Variants in LMNA observed in about 807,000 individuals in gnomAD.
The protein encoded by LMNA is lamin.
Under a neutral mutation model 70.4 loss-of-function variants are expected in LMNA, and 20 were observed. The ratio of observed to expected loss-of-function variants is 0.28; its 90% CI spans 0.20 to 0.41. The LOEUF (loss-of-function observed/expected upper bound fraction) is 0.41, where lower values mean the gene tolerates loss of function less well. Among genes scored for constraint, LMNA ranks in the 10% least tolerant of loss-of-function variants. LMNA has a pLI of 1.00. For missense variants in LMNA, 652 were observed against 917.2 expected, an observed-to-expected ratio of 0.71 and a Z score of 3.73; for synonymous variants, 339 against 372.8, an observed-to-expected ratio of 0.91 and a Z score of 1.04.
At chr1:156,119,922 G>A (rs1043762718) in intron 1 of LMNA, among the ~76,000 whole-genome samples, 1 of 152,168 alleles carries the variant, frequency 6.6e-6, no homozygotes, top group Admixed American at 6.5e-5. Context: ...GCTCTCTCTG[G>A]ACAGGTAACA....
chr1:156,134,521 A>G lies in LMNA; in HGVS notation c.632A>G (p.Tyr211Cys), dbSNP rs987157491. The G allele has an allele frequency of 6.2e-7, 1 of 1,613,916 alleles. No homozygotes were observed. Among genetic ancestry groups the G allele is most frequent in the Non-Finnish European group, 8.5e-7 (1 of 1,180,058 alleles). Residue 211 changes from tyrosine to cysteine, a missense_variant, in exon 3 of 12, where the codon TAC becomes TGC. This residue lies in a region of LMNA where 254 missense variants were observed against 421.9 expected (regional missense o/e 0.60). Coordinates refer to ENST00000368300, the MANE Select transcript of LMNA (RefSeq NM_170707.4). This position sits in a 1 kb window ranked among gnomAD's most constrained non-coding sequence, Gnocchi z 5.3. ...KEELDFQKNI[Y>C]SEELRETKRR... ...GAACTGGACTTCCAGAAGAACATCT[A>G]CAGTGAGGTGGGGACTGTGCTTTGC... is the stretch of plus-strand genomic sequence containing the variant.
At position 156,138,835 on chromosome 1, in the gene LMNA, AG is replaced by A; in HGVS notation, c.1968+84del. ...GAGGGGTAGGACGAGGTGGCCTTGC[AG>A]GGGGGAGAGCCTGCCTTCTCTTCCG... On this transcript the variant is annotated intron_variant, in intron 11 of 11. Coordinates refer to ENST00000368300, the MANE Select transcript of LMNA (RefSeq NM_170707.4). The surrounding 1 kb of genome is among the most constrained non-coding windows in gnomAD (Gnocchi z 5.5). 6 of 1,580,886 alleles carry A rather than the reference AG, an allele frequency of 3.8e-6. No individual in the cohort carries two copies. The highest frequency in any genetic ancestry group is 5.2e-6 in the Non-Finnish European group (6 of 1,154,820).
intron 2 of LMNA, among the ~76,000 whole-genome samples, chr1:156,084,328 CG>C (rs60777722): frequency 0.44 from 40,462 of 91,264 alleles, 11,684 homozygotes; most frequent in East Asian, 0.83. Context: ...CTCAGAAGGT[CG>C]GGGGGTGGTG....
chr1:156,083,589 G>A (rs934842091), intron 2 of LMNA: 1 of 152,272 alleles, frequency 6.6e-6, no homozygotes, highest in African/African-American at 2.4e-5. Flanking sequence ...GATCACCTGA[G>A]GTCAGGAGTT....
intron 2 of LMNA, among the ~76,000 whole-genome samples, chr1:156,087,924 C>T (rs1292148795): frequency 6.7e-6 from 1 of 149,856 alleles, no homozygotes; most frequent in South Asian, 2.1e-4. Context: ...CAGGCTGGGG[C>T]GCAGTGGCAC....
chr1:156,094,367 C>T (rs972332282), intron 3 of LMNA, among the ~76,000 whole-genome samples: 22 of 152,184 alleles, frequency 1.4e-4, no homozygotes, highest in African/African-American at 5.3e-4. Context: ...TTGAGACAGT[C>T]TTGCTGTGTC....
chr1:156,086,936 C>T (rs968466271), intron 2 of LMNA, among the ~76,000 whole-genome samples: 23 of 152,138 alleles, frequency 1.5e-4, no homozygotes, highest in Admixed American at 1.2e-3. Context: ...CCACCGCGCC[C>T]GGCCAGGAAT....
Position 156,094,375 on chromosome 1 carries a change from G to A in LMNA, c.-207+3793G>A, listed in dbSNP as rs919116967. Among the ~76,000 whole-genome samples, 8 of 152,188 alleles carry A rather than the reference G, an allele frequency of 5.3e-5. 1 individual carries two copies. Among genetic ancestry groups the A allele is most frequent in the East Asian group, 1.9e-4 (1 of 5,202 alleles). ...TCTTTTTTTGAGACAGTCTTGCTGT[G>A]TCACCCAGGCTGGAGTGCAGTGGTG... On this transcript the variant is annotated intron_variant, in intron 3 of 12. Coordinates refer to the LMNA transcript ENST00000368301.
chr1:156,084,339 G>C lies in LMNA; in HGVS notation c.-319+1155G>C, dbSNP rs1389996057. 9.2e-5 allele frequency among the ~76,000 whole-genome samples: 9 copies of C among 98,098 alleles called. 1 individual carries two copies. The highest frequency in any genetic ancestry group is 1.7e-4 in the Non-Finnish European group (8 of 45,758). 64.4% of individuals were successfully genotyped at this position (98,098 alleles called of 152,430 possible). On this transcript the variant is annotated intron_variant, in intron 2 of 12. Transcript: ENST00000368301. The stretch of plus-strand genomic sequence containing the variant: ...GGATCTCAGAAGGTCGGGGGGTGGT[G>C]GGGGCAGTTGGCACACTGCAGGGAT...
chr1:156,128,589 C>G (rs1371847302), intron 1 of LMNA, among the ~76,000 whole-genome samples: 1 of 152,224 alleles, frequency 6.6e-6, no homozygotes, highest in Non-Finnish European at 1.5e-5. Flanking sequence ...CTTCTCCATT[C>G]TCTCTGGAAC....
Position 156,135,012 on chromosome 1 carries a change from C to A in LMNA, c.810+37C>A. ...CGATTGGTTCCCTCACTGCCTCTGC[C>A]CTTGGCAGCCCTACCCTTACCCACG... On this transcript the variant is annotated intron_variant, in intron 4 of 11. Coordinates refer to ENST00000368300, the MANE Select transcript of LMNA (RefSeq NM_170707.4). The surrounding 1 kb of genome is among the most constrained non-coding windows in gnomAD (Gnocchi z 4.8). 1 of 1,613,582 alleles carries A rather than the reference C, an allele frequency of 6.2e-7. No homozygotes were observed. The highest frequency in any genetic ancestry group is 1.7e-4 in the Middle Eastern group (1 of 5,962).
chr1:156,114,989 C>A lies in LMNA; in HGVS notation c.71C>A (p.Thr24Asn). 6.3e-7 allele frequency: 1 copy of A among 1,598,110 alleles called. No individual in the cohort carries two copies. Among genetic ancestry groups the A allele is most frequent in the Non-Finnish European group, 8.5e-7 (1 of 1,172,730 alleles). ...GCCAGCTCCACTCCGCTGTCGCCCA[C>A]CCGCATCACCCGGCTGCAGGAGAAG... ...AQASSTPLSPTRITRLQEKED... is the reference protein window; with the variant it reads ...AQASSTPLSPNRITRLQEKED... Residue 24 changes from threonine (T) to asparagine (N), a missense_variant, in exon 1 of 12, where the codon ACC becomes AAC. This residue lies in a region of LMNA where 254 missense variants were observed against 421.9 expected (regional missense o/e 0.60). Coordinates refer to ENST00000368300, the MANE Select transcript of LMNA (RefSeq NM_170707.4).
Position 156,138,452 on chromosome 1 carries a change from C to T in LMNA, c.1699-36C>T, listed in dbSNP as rs778467013. 1 of 1,602,978 alleles carries T rather than the reference C, an allele frequency of 6.2e-7. No individual in the cohort carries two copies. The highest frequency in any genetic ancestry group is 2.3e-5 in the East Asian group (1 of 44,432). ...TTGGGCCTGAGTGGTCAGTCCCAGA[C>T]TCGCCGTCCCGCCTGAGCCTTGTCT... On this transcript the variant is annotated intron_variant, in intron 10 of 11. Transcript: ENST00000368300. The surrounding 1 kb of genome is among the most constrained non-coding windows in gnomAD (Gnocchi z 5.5).
At chr1:156,132,652 G>A (rs1651170866) in intron 2 of LMNA, among the ~76,000 whole-genome samples, 1 of 151,866 alleles carries the variant, frequency 6.6e-6, no homozygotes, top group African/African-American at 2.4e-5. Context: ...GTATACCAGG[G>A]AAAGACCTGG....
Position 156,135,966 on chromosome 1 carries a change from C to A in LMNA, c.1002C>A (p.Ser334Arg). ...CACTGGCCCGTGAGCGGGACACCAG[C>A]CGGCGGCTGCTGGCGGAAAAGGAGC... is the stretch of plus-strand genomic sequence containing the variant. The part of the protein sequence containing the change: ...EDSLARERDT[S>R]RRLLAEKERE... The change falls in exon 6 of 12, where the codon AGC becomes AGA. Residue 334 changes from serine (S) to arginine (R), a missense_variant. This residue lies in a region of LMNA where 38 missense variants were observed against 32.5 expected (regional missense o/e 1.17). Transcript: ENST00000368300. The surrounding 1 kb of genome is among the most constrained non-coding windows in gnomAD (Gnocchi z 4.8). 1 of 1,614,044 alleles carries A rather than the reference C, an allele frequency of 6.2e-7. No homozygotes were observed. The highest frequency in any genetic ancestry group is 8.5e-7 in the Non-Finnish European group (1 of 1,180,024).
Position 156,136,544 on chromosome 1 carries a change from AC to A in LMNA, c.1380+110del. ...GAACATCCTTGCCCTCAGAGGGTGG[AC>A]CAGGGTGAGCCTGTATATCTCCTCC... On this transcript the variant is annotated intron_variant, in intron 7 of 11. Transcript: ENST00000368300. The surrounding 1 kb of genome is among the most constrained non-coding windows in gnomAD (Gnocchi z 6.1). The A allele has an allele frequency of 1.7e-6, 2 of 1,186,052 alleles. No individual in the cohort carries two copies. Among genetic ancestry groups the A allele is most frequent in the Non-Finnish European group, 2.4e-6 (2 of 828,320 alleles). The allele number at this position is 1,186,052 out of a possible 1,614,324, so 73.5% of individuals were successfully genotyped here.
intron 3 of LMNA, among the ~76,000 whole-genome samples, chr1:156,104,116 T>G (rs1233506642): frequency 6.6e-6 from 1 of 152,212 alleles, no homozygotes; most frequent in East Asian, 1.9e-4. Flanking sequence ...GCCCAGGGAT[T>G]TTCCCTTAGC....
chr1:156,088,319 CT>C (rs944379444), intron 2 of LMNA, among the ~76,000 whole-genome samples: 3 of 151,712 alleles, frequency 2.0e-5, no homozygotes, highest in East Asian at 3.9e-4. Flanking sequence ...TTTTTGTTTT[CT>C]TTTTTTTAAC....
In LMNA at chr1:156,137,545, CG is replaced by C; in HGVS notation, c.1609-107del. The C allele has an allele frequency of 9.6e-7, 1 of 1,040,146 alleles. No homozygotes were observed. The highest frequency in any genetic ancestry group is 1.4e-6 in the Non-Finnish European group (1 of 690,872). 64.4% of individuals were successfully genotyped at this position (1,040,146 alleles called of 1,614,324 possible). A position where few individuals can be genotyped will look rare whatever the true frequency, so the allele number is the denominator to read the frequency against. The stretch of plus-strand genomic sequence containing the variant: ...ACAGAGGACAGAGTAAGCAGCAGGC[CG>C]GACAAAGGGCAGGCCACAAGAAAAG... On this transcript the variant is annotated intron_variant, in intron 9 of 11. Transcript: ENST00000368300. The surrounding 1 kb of genome is among the most constrained non-coding windows in gnomAD (Gnocchi z 4.6).
Sources: allele counts gnomAD v4.1 joint callset (sites outside exome capture counted in the v4.1 genomes callset), GRCh38; gene constraint gnomAD v4.1.1; regional missense constraint gnomAD v4.1.1; non-coding constraint Gnocchi (gnomAD v3.1); transcripts MANE v1.5; gene names NCBI Gene and HGNC (gene_info 2026-07-23, HGNC 2026-07-21).